GABBR2: variants seen among roughly 807,000 people sequenced by gnomAD.
GABBR2 encodes the protein gamma-aminobutyric acid type B receptor subunit 2.
Under a neutral mutation model 105.6 loss-of-function variants are expected in GABBR2, and 23 were observed. The ratio of observed to expected loss-of-function variants is 0.22; its 90% CI spans 0.16 to 0.31. The LOEUF (loss-of-function observed/expected upper bound fraction) is 0.31. GABBR2 is among the 10% of genes least tolerant of loss of function. The pLI, the probability that GABBR2 is intolerant of heterozygous loss-of-function variation, is 1.00. For synonymous variants in GABBR2, 478 were observed against 499.7 expected, an observed-to-expected ratio of 0.96 and a Z score of 0.58; for missense variants, 734 against 1,245.5, an observed-to-expected ratio of 0.59 and a Z score of 6.18.
chr9:98,480,797 G>A (rs910023549), intron 5 of GABBR2, 135 bp downstream of exon 5: 19 of 660,322 alleles, frequency 2.9e-5, no homozygotes, highest in Middle Eastern at 2.5e-4. Flanking sequence ...AACAGTGAAC[G>A]CAACTCTTCT....
At chr9:98,400,154 T>G (rs1409827145) in intron 8 of GABBR2, among the ~76,000 whole-genome samples, 2 of 146,732 alleles carry the variant, frequency 1.4e-5, no homozygotes, top group African/African-American at 5.1e-5. Context: ...ACTGTAGTAC[T>G]CCACCCCAGG....
At chr9:98,594,513 A>G (rs116692311) in intron 1 of GABBR2, among the ~76,000 whole-genome samples, 2,284 of 152,118 alleles carry the variant, frequency 0.015, 59 homozygotes, top group African/African-American at 0.052. Context: ...GGGCTCTGGG[A>G]GAGGAATTTG....
intron 8 of GABBR2, among the ~76,000 whole-genome samples, chr9:98,400,432 G>A (rs1178354987): frequency 6.6e-6 from 1 of 152,310 alleles, no homozygotes; most frequent in East Asian, 1.9e-4. Flanking sequence ...AGTGGGTGTG[G>A]ATATGGGCAA....
intron 2 of GABBR2, chr9:98,555,507 G>A (rs1294958062): frequency 1.3e-5 from 2 of 152,162 alleles, no homozygotes; most frequent in African/African-American, 4.8e-5. Flanking sequence ...AGCTGTGCAG[G>A]TGACAAATGC....
intron 7 of GABBR2, among the ~76,000 whole-genome samples, chr9:98,451,691 A>T (rs529903510): frequency 9.9e-5 from 15 of 152,240 alleles, no homozygotes; most frequent in African/African-American, 3.1e-4. Context: ...GATGATGCAG[A>T]CCACACTTTG....
chr9:98,385,369 A>AT (rs370119399), intron 11 of GABBR2, among the ~76,000 whole-genome samples: 265 of 151,424 alleles, frequency 1.8e-3, no homozygotes, highest in African/African-American at 5.9e-3. Context: ...TGCCTGGCTA[A>AT]TTTTTTTTTG....
rs564055730 is a variant in GABBR2, at chr9:98,410,120, A to ATTTTT, written c.1237-3984_1237-3980dup. ...TCCTAACACCCCAGCTTGAGCTGGA[A>ATTTTT]TTTTTTTTTTTGGTTTCCCTCCCAC... On this transcript the variant is annotated intron_variant, in intron 7 of 18. Transcript: ENST00000259455. Among the ~76,000 whole-genome samples, 477 of 147,338 alleles carry ATTTTT rather than the reference A, an allele frequency of 3.2e-3. 5 individuals carry two copies. Among genetic ancestry groups the ATTTTT allele is most frequent in the African/African-American group, 0.011 (448 of 39,566 alleles).
chr9:98,364,182 T>G (rs902097579), intron 12 of GABBR2, among the ~76,000 whole-genome samples: 1 of 152,166 alleles, frequency 6.6e-6, no homozygotes, highest in Non-Finnish European at 1.5e-5. Context: ...TTCAAGGATA[T>G]GGTGAACTGC....
In GABBR2 at chr9:98,306,022, A is replaced by T. The variant is rs1830545418; in HGVS notation, c.2229+99T>A. 7.9e-6 allele frequency: 6 copies of T among 762,976 alleles called. No individual in the cohort carries two copies. The highest frequency in any genetic ancestry group is 1.3e-5 in the Non-Finnish European group (6 of 465,554). 47.3% of individuals were successfully genotyped at this position (762,976 alleles called of 1,614,324 possible). A position where few individuals can be genotyped will look rare whatever the true frequency, so the allele number is the denominator to read the frequency against. ...GAATTGTCTTCATCATAAAAAAAAA[A>T]AGGAATGGGTAAACCTTTTAGAGAA... On this transcript the variant is annotated intron_variant, in intron 15 of 18. Transcript: ENST00000259455. The surrounding 1 kb of genome is among the most constrained non-coding windows in gnomAD (Gnocchi z 5.4).
At chr9:98,458,806 C>G (rs1451254404) in intron 6 of GABBR2, among the ~76,000 whole-genome samples, 1 of 152,176 alleles carries the variant, frequency 6.6e-6, no homozygotes, top group Non-Finnish European at 1.5e-5. Context: ...TTTTAAAAAC[C>G]TTCTCAGATT....
At chr9:98,492,795 A>C (rs1827204223) in intron 4 of GABBR2, among the ~76,000 whole-genome samples, 1 of 152,168 alleles carries the variant, frequency 6.6e-6, no homozygotes, top group Non-Finnish European at 1.5e-5. Context: ...CACAGAGGTA[A>C]AGTTATTCCC....
chr9:98,373,273 G>C (rs1001841546), intron 11 of GABBR2, among the ~76,000 whole-genome samples: 9 of 152,190 alleles, frequency 5.9e-5, no homozygotes, highest in African/African-American at 2.2e-4. Context: ...TATTAGGACA[G>C]AGGCAAAGTA....
intron 7 of GABBR2, 152 bp from the exon 8 acceptor site, chr9:98,406,293 C>A: frequency 1.8e-6 from 1 of 548,736 alleles, no homozygotes; most frequent in Non-Finnish European, 3.2e-6. Context: ...AGATGAAAAT[C>A]AAACTAATTG....
intron 1 of GABBR2, among the ~76,000 whole-genome samples, chr9:98,666,966 G>C (rs1043655048): frequency 1.3e-5 from 2 of 152,114 alleles, no homozygotes; most frequent in Admixed American, 6.5e-5. Context: ...TTGGTGCCCA[G>C]GTGATCCACT....
intron 1 of GABBR2, among the ~76,000 whole-genome samples, chr9:98,678,055 T>C (rs982160191): frequency 5.3e-5 from 8 of 152,190 alleles, no homozygotes; most frequent in African/African-American, 9.7e-5. Context: ...TGGACGGAAC[T>C]CTCGTTTTGT....
chr9:98,538,930 G>T (rs1303825711), intron 3 of GABBR2, among the ~76,000 whole-genome samples: 2 of 152,138 alleles, frequency 1.3e-5, no homozygotes, highest in African/African-American at 4.8e-5. Flanking sequence ...TTTAAATCAA[G>T]AGAGGTCCTT....
At chr9:98,572,934 G>A (rs2131775171) in intron 2 of GABBR2, among the ~76,000 whole-genome samples, 1 of 152,290 alleles carries the variant, frequency 6.6e-6, no homozygotes, top group African/African-American at 2.4e-5. Context: ...GAATGCTAGG[G>A]CAGTATTGTC....
intron 1 of GABBR2, among the ~76,000 whole-genome samples, chr9:98,605,435 C>A (rs1041119060): frequency 1.3e-5 from 2 of 152,330 alleles, no homozygotes; most frequent in East Asian, 1.9e-4. Flanking sequence ...TCTCAGGCTA[C>A]GGACTCTCAC....
chr9:98,536,372 G>A (rs962774970), intron 3 of GABBR2, among the ~76,000 whole-genome samples: 8 of 152,092 alleles, frequency 5.3e-5, no homozygotes, highest in Admixed American at 2.0e-4. Flanking sequence ...ATTGGCTTAC[G>A]GGTACTTAAG....
Sources: allele counts gnomAD v4.1 joint callset (sites outside exome capture counted in the v4.1 genomes callset), GRCh38; gene constraint gnomAD v4.1.1; non-coding constraint Gnocchi (gnomAD v3.1); transcripts MANE v1.5; gene names NCBI Gene and HGNC (gene_info 2026-07-23, HGNC 2026-07-21).